The following CCDC28B variants were observed in gnomAD, a reference collection of about 807,000 sequenced individuals.
The protein encoded by CCDC28B is coiled-coil domain-containing protein 28B.
CCDC28B carries 17 observed loss-of-function variants against 18.7 expected under a neutral mutation model. That is an observed-to-expected ratio of 0.91 (90% CI 0.62 to 1.36). The LOEUF is 1.36. Among genes scored for constraint, CCDC28B ranks in the 40% most tolerant of loss-of-function variants. CCDC28B has a pLI of 0.00. For synonymous variants in CCDC28B, 116 were observed against 105.1 expected, an observed-to-expected ratio of 1.10 and a Z score of -0.64; for missense variants, 213 against 251.7, an observed-to-expected ratio of 0.85 and a Z score of 1.04.
upstream of CCDC28B, among the ~76,000 whole-genome samples, chr1:32,200,042 G>A (rs756411196): frequency 2.0e-5 from 3 of 152,130 alleles, no homozygotes; most frequent in Non-Finnish European, 4.4e-5. Context: ...GGGGGGTGGG[G>A]AGGACTCCTG....
At chr1:32,202,218 C>A in intron 2 of CCDC28B, 119 bp downstream of exon 2, 1 of 1,304,074 alleles carries the variant, frequency 7.7e-7, no homozygotes, top group Non-Finnish European at 1.1e-6. Context: ...CTTTCTGGAG[C>A]AGACCCCTGA....
At chr1:32,200,558 C>T (rs1466524167), upstream of CCDC28B, 2 of 152,242 alleles carry the variant, frequency 1.3e-5, no homozygotes, top group Non-Finnish European at 2.9e-5. Context: ...CCTCCCATCT[C>T]ACCCCACCGC....
chr1:32,201,904 C>T lies in CCDC28B; in HGVS notation c.-23-9C>T. ...CCTGGCTATCTTTGTGGGGTTGCTT[C>T]CCTCCTAGGCCTGAGGCCCAGCCAG... On this transcript the variant is annotated splice_polypyrimidine_tract_variant and intron_variant, in intron 1 of 5. Transcript: ENST00000373602. 1.9e-6 allele frequency: 3 copies of T among 1,547,390 alleles called. No individual in the cohort carries two copies. The highest frequency in any genetic ancestry group is 2.6e-6 in the Non-Finnish European group (3 of 1,148,812).
chr1:32,201,003 A>G (rs1250052935), intron 1 of CCDC28B, among the ~76,000 whole-genome samples: 1 of 152,082 alleles, frequency 6.6e-6, no homozygotes, highest in East Asian at 1.9e-4. Context: ...GCTATGTGTC[A>G]GTGTAAATGC....
chr1:32,204,960 C>A, intron 5 of CCDC28B: 1 of 1,357,090 alleles, frequency 7.4e-7, no homozygotes, highest in Non-Finnish European at 9.9e-7. Flanking sequence ...GGTCCTCAGT[C>A]AGAAACAGCG....
At position 32,204,254 on chromosome 1, in the gene CCDC28B, T is replaced by C; in HGVS notation, c.400T>C (p.Phe134Leu). 2.5e-6 allele frequency: 4 copies of C among 1,614,050 alleles called. No individual in the cohort carries two copies. The highest frequency in any genetic ancestry group is 3.4e-6 in the Non-Finnish European group (4 of 1,179,984). ...EMQEKLARLH[F>L]SLDVCGEEED... ...GCAGGAGAAGCTAGCCCGGCTGCACTTCAGCCTGGATGTGTGTGGGGAGGA... is the reference window on the plus strand; with the variant it reads ...GCAGGAGAAGCTAGCCCGGCTGCACCTCAGCCTGGATGTGTGTGGGGAGGA... The change falls in exon 4 of 6, where the codon TTC becomes CTC. Residue 134 changes from phenylalanine (F) to leucine (L), a missense_variant. Transcript: ENST00000373602.
chr1:32,198,457 A>G (rs932561255), upstream of CCDC28B, among the ~76,000 whole-genome samples: 14 of 152,232 alleles, frequency 9.2e-5, no homozygotes, highest in Non-Finnish European at 2.1e-4. Flanking sequence ...GGATGCTGGC[A>G]TATTCACTTG....
chr1:32,199,573 G>T (rs1028601529), upstream of CCDC28B, among the ~76,000 whole-genome samples: 3 of 152,166 alleles, frequency 2.0e-5, no homozygotes, highest in Admixed American at 2.0e-4. Context: ...CCTGGTTATT[G>T]AAAAAGTTCG....
intron 1 of CCDC28B, among the ~76,000 whole-genome samples, chr1:32,201,140 T>C (rs534834833): frequency 1.3e-5 from 2 of 151,518 alleles, no homozygotes; most frequent in South Asian, 4.2e-4. Context: ...GGGGCGCTGC[T>C]GGACCGGGGA....
In CCDC28B at chr1:32,205,202, T is replaced by C; in HGVS notation, c.557T>C (p.Leu186Pro). The change falls in exon 6 of 6, where the codon CTG (leucine) becomes CCG (proline). Residue 186 changes from leucine (L) to proline (P), a missense_variant. Transcript: ENST00000373602. This position sits in a 1 kb window ranked among gnomAD's most constrained non-coding sequence, Gnocchi z 5.6. ...LEDLSNSIQK[L>P]HLAENAEPEE... ...ATCCTTGACGGGCACAGCCAGAAGCTGCACCTGGCCGAGAACGCCGAGCCT... is the reference window on the plus strand; with the variant it reads ...ATCCTTGACGGGCACAGCCAGAAGCCGCACCTGGCCGAGAACGCCGAGCCT... 6.2e-7 allele frequency: 1 copy of C among 1,613,966 alleles called. No homozygotes were observed. The highest frequency in any genetic ancestry group is 8.5e-7 in the Non-Finnish European group (1 of 1,179,926).
intron 4 of CCDC28B, 85 bp downstream of exon 4, chr1:32,204,464 G>A (rs1389861745): frequency 6.6e-7 from 1 of 1,515,434 alleles, no homozygotes; most frequent in East Asian, 2.3e-5. Flanking sequence ...CTGGGCCCTG[G>A]GTGAAAAGGT....
At position 32,205,057 on chromosome 1, in the gene CCDC28B, C is replaced by T; in HGVS notation, c.549-137C>T. 1 of 1,206,732 alleles carries T rather than the reference C, an allele frequency of 8.3e-7. No individual in the cohort carries two copies. Among genetic ancestry groups the T allele is most frequent in the Non-Finnish European group, 1.1e-6 (1 of 869,884 alleles). The allele number at this position is 1,206,732 out of a possible 1,614,324, so 74.8% of individuals were successfully genotyped here. A position where few individuals can be genotyped will look rare whatever the true frequency, so the allele number is the denominator to read the frequency against. Reference sequence around the variant, plus strand: ...GGTGAGAGAGGGCAGGCGGGGACTGCAACCTCAGTCCACAGACGGCCCGAG... The same window carrying T: ...GGTGAGAGAGGGCAGGCGGGGACTGTAACCTCAGTCCACAGACGGCCCGAG... On this transcript the variant is annotated intron_variant, in intron 5 of 5. Coordinates refer to ENST00000373602, the MANE Select transcript of CCDC28B (RefSeq NM_024296.5). The surrounding 1 kb of genome is among the most constrained non-coding windows in gnomAD (Gnocchi z 5.6).
intron 1 of CCDC28B, among the ~76,000 whole-genome samples, chr1:32,201,154 C>T (rs1643139848): frequency 1.3e-5 from 2 of 152,150 alleles, no homozygotes; most frequent in African/African-American, 4.8e-5. Flanking sequence ...CCGGGGACCT[C>T]GGAGCAGCCC....
intron 2 of CCDC28B, among the ~76,000 whole-genome samples, chr1:32,203,392 G>A (rs1474535639): frequency 1.3e-5 from 2 of 151,814 alleles, no homozygotes; most frequent in East Asian, 1.9e-4. Flanking sequence ...CAGGAGGCGA[G>A]GTTGCAGTGA....
upstream of CCDC28B, among the ~76,000 whole-genome samples, chr1:32,199,195 C>T (rs1383392276): frequency 6.6e-6 from 1 of 152,164 alleles, no homozygotes; most frequent in African/African-American, 2.4e-5. Flanking sequence ...GTGCTGAATG[C>T]CCAGGAAATG....
chr1:32,201,036 AC>A (rs566209844), intron 1 of CCDC28B, among the ~76,000 whole-genome samples: 16 of 140,706 alleles, frequency 1.1e-4, no homozygotes, highest in East Asian at 4.6e-4. Flanking sequence ...CACCCCCCCA[AC>A]CCCCCCAGTC....
upstream of CCDC28B, among the ~76,000 whole-genome samples, chr1:32,199,780 AGCCTGCTGAGCC>A (rs1226462455): frequency 6.6e-6 from 1 of 152,116 alleles, no homozygotes; most frequent in Admixed American, 6.5e-5. Flanking sequence ...AGCTCACTTG[AGCCTGCTGAGCC>A]GCCTGGCCAA....
rs529827123 is a variant in CCDC28B at position 32,202,224 on chromosome 1, C to T, written c.164+125C>T. 256 of 1,249,872 alleles carry T rather than the reference C, an allele frequency of 2.0e-4. 2 individuals are homozygous for T. Among genetic ancestry groups the T allele is most frequent in the Middle Eastern group, 1.1e-3 (6 of 5,450 alleles). The allele number at this position is 1,249,872 out of a possible 1,614,324, so 77.4% of individuals were successfully genotyped here. The stretch of plus-strand genomic sequence containing the variant: ...AATTGATGCCTTTCTGGAGCAGACC[C>T]CTGAGAACTCAGAGCTCACTCAGAC... On this transcript the variant is annotated intron_variant, in intron 2 of 5. Coordinates refer to ENST00000373602, the MANE Select transcript of CCDC28B (RefSeq NM_024296.5).
intron 2 of CCDC28B, chr1:32,203,136 A>AAAAAAAAAATTTTTTTTTTAATT (rs1643189048): frequency 6.6e-6 from 1 of 150,414 alleles, no homozygotes; most frequent in Non-Finnish European, 1.5e-5. Flanking sequence ...TGTCTCAAAC[A>AAAAAAAAAATTTTTTTTTTAATT]AAAAAAAAAT....
Sources: allele counts gnomAD v4.1 joint callset (sites outside exome capture counted in the v4.1 genomes callset), GRCh38; gene constraint gnomAD v4.1.1; non-coding constraint Gnocchi (gnomAD v3.1); transcripts MANE v1.5; gene names NCBI Gene and HGNC (gene_info 2026-07-23, HGNC 2026-07-21).